The following SLC2A7 variants were observed in gnomAD, a reference collection of about 807,000 sequenced individuals.
The protein encoded by SLC2A7 is solute carrier family 2, facilitated glucose transporter member 7.
In SLC2A7, 50 loss-of-function variants were observed where a neutral mutation model predicts 50.5. The ratio of observed to expected loss-of-function variants is 0.99; its 90% CI spans 0.79 to 1.25. The LOEUF is 1.25. SLC2A7 is among the 50% of genes most tolerant of loss of function. The pLI is 0.00. For synonymous variants in SLC2A7, 308 were observed against 300.4 expected (o/e 1.03, Z -0.26); for missense variants, 683 against 679.1 (o/e 1.01, Z -0.06).
chr1:9,014,557 C>T (rs1347086163), intron 7 of SLC2A7, 124 bp downstream of exon 7: 2 of 1,180,874 alleles, frequency 1.7e-6, no homozygotes, highest in East Asian at 5.3e-5. Flanking sequence ...TGACATCTGG[C>T]TCTGCCTGGA....
the SLC2A7 span, among the ~76,000 whole-genome samples, chr1:8,994,219 C>T: frequency 1.3e-5 from 2 of 152,254 alleles, no homozygotes; most frequent in Admixed American, 1.3e-4. Context: ...AGGCCTCATC[C>T]TGAGCCCAGG....
At chr1:9,004,695 T>C (rs1472444068) in intron 11 of SLC2A7, 57 bp downstream of exon 11, 2 of 1,599,836 alleles carry the variant, frequency 1.3e-6, no homozygotes, top group Non-Finnish European at 1.7e-6. Flanking sequence ...GGAAGGGGAA[T>C]ACATCTTACT....
chr1:9,011,816 C>T (rs765750780), intron 8 of SLC2A7, among the ~76,000 whole-genome samples: 3 of 147,968 alleles, frequency 2.0e-5, no homozygotes, highest in Admixed American at 6.8e-5. Context: ...GTGGTGCAAC[C>T]GTGGCTCACT....
At position 9,025,033 on chromosome 1, in the gene SLC2A7, G is replaced by A. The variant is rs143044375; in HGVS notation, c.93C>T (p.Ala31=). ...AGCCGTACTGGAAGGCTGAGCCAAA[G>A]GCCGCGCTCAGTGTCGCCAGCAACA... The part of the protein sequence containing the change: ...PTLLLATLSA[A]FGSAFQYGYN... The change falls in exon 2 of 12, where the codon GCC becomes GCT. Residue 31 remains alanine (A), a synonymous_variant. Coordinates refer to ENST00000400906, the MANE Select transcript of SLC2A7 (RefSeq NM_207420.3). 4 of 1,613,828 alleles carry A rather than the reference G, an allele frequency of 2.5e-6. No individual in the cohort carries two copies. Among genetic ancestry groups the A allele is most frequent in the Non-Finnish European group, 2.5e-6 (3 of 1,180,024 alleles).
chr1:9,025,160 G>A, intron 1 of SLC2A7, 86 bp from the exon 2 acceptor site: 7 of 1,369,192 alleles, frequency 5.1e-6, no homozygotes, highest in South Asian at 1.2e-5. Context: ...CCTCCAGCCT[G>A]GGCTGGAAGT....
At chr1:9,011,852 C>T (rs1360631808) in intron 8 of SLC2A7, among the ~76,000 whole-genome samples, 1 of 148,786 alleles carries the variant, frequency 6.7e-6, no homozygotes, top group Non-Finnish European at 1.5e-5. Flanking sequence ...CGGGTACAAG[C>T]AATTCTCCTG....
chr1:9,005,713 G>A (rs980123482), intron 10 of SLC2A7, among the ~76,000 whole-genome samples: 1 of 150,272 alleles, frequency 6.7e-6, no homozygotes, highest in Non-Finnish European at 1.5e-5. Flanking sequence ...GGCTGAAGCA[G>A]GATAATCTGT....
intron 2 of SLC2A7, among the ~76,000 whole-genome samples, chr1:9,023,564 G>A (rs936507267): frequency 3.3e-5 from 5 of 151,720 alleles, no homozygotes; most frequent in South Asian, 2.1e-4. Flanking sequence ...CCGAGATTGC[G>A]GCACTGCACT....
chr1:8,997,165 G>A, the SLC2A7 span, among the ~76,000 whole-genome samples: 1 of 152,046 alleles, frequency 6.6e-6, no homozygotes, highest in Admixed American at 6.6e-5. Flanking sequence ...CAGTAGCCAA[G>A]TGCAGAGGCT....
At chr1:9,003,964 C>A (rs1209653369) in intron 11 of SLC2A7, among the ~76,000 whole-genome samples, 2 of 151,430 alleles carry the variant, frequency 1.3e-5, no homozygotes, top group Non-Finnish European at 2.9e-5. Context: ...AGTTTTGTTT[C>A]ACTCCTGGAG....
At position 9,018,374 on chromosome 1, in the gene SLC2A7, G is replaced by A. The variant is rs146842966; in HGVS notation, c.438C>T (p.Gly146=). 2.5e-6 allele frequency: 4 copies of A among 1,613,214 alleles called. No homozygotes were observed. Among genetic ancestry groups the A allele is most frequent in the African/African-American group, 1.3e-5 (1 of 74,928 alleles). Reference sequence around the variant, plus strand: ...ACATGGGAAGGGCGCTGTAGGAGATGCCTGGTTTGGGCACAGCAGAAATCA... The same window carrying A: ...ACATGGGAAGGGCGCTGTAGGAGATACCTGGTTTGGGCACAGCAGAAATCA... ...FSRVVLGVCA[G]ISYSALPMYL... is the part of the protein sequence containing the mutation. The change falls in exon 5 of 12, where the codon GGC becomes GGT. Residue 146 remains glycine (G), a splice_region_variant and synonymous_variant. Transcript: ENST00000400906.
intron 10 of SLC2A7, 84 bp from the exon 11 acceptor site, chr1:9,004,963 T>G: frequency 1.4e-6 from 2 of 1,474,814 alleles, no homozygotes; most frequent in Non-Finnish European, 1.8e-6. Context: ...CTCTAGCCTC[T>G]GACCTAGGAC....
intron 2 of SLC2A7, among the ~76,000 whole-genome samples, chr1:9,023,829 ATTC>A (rs139572302): frequency 0.18 from 10,215 of 58,204 alleles, 2,385 homozygotes; most frequent in East Asian, 0.42. Flanking sequence ...CATAGGAAAT[ATTC>A]TTCTTCTTTT....
At chr1:9,000,478 G>C (rs1171380231), downstream of SLC2A7, among the ~76,000 whole-genome samples, 2 of 151,974 alleles carry the variant, frequency 1.3e-5, no homozygotes, top group African/African-American at 4.8e-5. Context: ...AATTAGCTGG[G>C]TGTGGTGGTG....
the SLC2A7 span, among the ~76,000 whole-genome samples, chr1:8,994,976 GC>G: frequency 6.6e-6 from 1 of 151,256 alleles, no homozygotes; most frequent in African/African-American, 2.4e-5. Flanking sequence ...TCACCATGTT[GC>G]CCAGGCTGGT....
At chr1:9,023,659 C>T (rs1322058004) in intron 2 of SLC2A7, among the ~76,000 whole-genome samples, 1 of 151,520 alleles carries the variant, frequency 6.6e-6, no homozygotes, top group Non-Finnish European at 1.5e-5. Context: ...GTAATCCTGG[C>T]ACTTTGGGAG....
intron 2 of SLC2A7, among the ~76,000 whole-genome samples, chr1:9,023,888 C>T (rs993133539): frequency 1.0e-5 from 1 of 95,494 alleles, no homozygotes; most frequent in African/African-American, 3.8e-5. Context: ...TGAAGTCTCA[C>T]TCTGTCACCC....
At chr1:9,005,190 G>C (rs1640637058) in intron 10 of SLC2A7, among the ~76,000 whole-genome samples, 1 of 152,194 alleles carries the variant, frequency 6.6e-6, no homozygotes. Flanking sequence ...GGAGCAGCAG[G>C]AGTGAGTGGG....
At chr1:8,996,206 T>C in the SLC2A7 span, among the ~76,000 whole-genome samples, 1 of 152,134 alleles carries the variant, frequency 6.6e-6, no homozygotes, top group Non-Finnish European at 1.5e-5. Flanking sequence ...AGCGAAACAC[T>C]GATTTGTTTT....
Sources: gnomAD v4.1 joint callset for allele counts (sites outside exome capture counted in the v4.1 genomes callset) on GRCh38, gnomAD v4.1.1 for gene constraint, MANE v1.5 for transcripts, NCBI Gene and HGNC (gene_info 2026-07-23, HGNC 2026-07-21) for gene names.